RAD54L2: variants seen among roughly 807,000 people sequenced by gnomAD.
RAD54L2 encodes RAD54 like 2, also known as helicase ARIP4.
In RAD54L2, 27 loss-of-function variants were observed where a neutral mutation model predicts 138.4. The observed-to-expected ratio is 0.20, with a 90% confidence interval of 0.14 to 0.27. The LOEUF is 0.27. Ranked by LOEUF, RAD54L2 falls within the 10% of genes least tolerant of loss-of-function variation. RAD54L2 has a pLI of 1.00. For synonymous variants in RAD54L2, 644 were observed against 723.2 expected, an observed-to-expected ratio of 0.89 and a Z score of 1.76; for missense variants, 1,396 against 1,890.2, an observed-to-expected ratio of 0.74 and a Z score of 4.85.
At chr3:51,606,971 C>T (rs1700196567) in intron 3 of RAD54L2, among the ~76,000 whole-genome samples, 1 of 150,858 alleles carries the variant, frequency 6.6e-6, no homozygotes, top group South Asian at 2.1e-4. Flanking sequence ...CATGAGCCAC[C>T]GTGCCTGGCC....
At chr3:51,607,694 G>GC (rs1305143917) in intron 3 of RAD54L2, among the ~76,000 whole-genome samples, 255 of 151,196 alleles carry the variant, frequency 1.7e-3, no homozygotes, top group African/African-American at 5.5e-3. Context: ...GGGCAGAGGG[G>GC]CCCCCCACCT....
rs551631853 is a variant in RAD54L2 at position 51,588,066 on chromosome 3, G to A, written c.-54-2301G>A. On this transcript the variant is annotated intron_variant, in intron 2 of 22. Transcript: ENST00000684192. ...CCGGGCGTGGTGGCAGGCGCCTGTA[G>A]TCCCAGCTACTTGGGAGGCTGAGGC... Among the ~76,000 whole-genome samples the A allele has an allele frequency of 2.6e-5, 4 of 151,312 alleles. No individual in the cohort carries two copies. In the South Asian group the frequency reaches 8.4e-4, roughly 32 times the overall value.
chr3:51,616,245 A>C (rs957337427), intron 3 of RAD54L2, among the ~76,000 whole-genome samples: 1 of 152,160 alleles, frequency 6.6e-6, no homozygotes, highest in African/African-American at 2.4e-5. Context: ...CTGTATATTT[A>C]TACCCATTAA....
intron 15 of RAD54L2, among the ~76,000 whole-genome samples, chr3:51,642,577 G>A (rs766724992): frequency 6.6e-6 from 1 of 152,094 alleles, no homozygotes; most frequent in East Asian, 1.9e-4. Context: ...GGGCTGTCCT[G>A]TATATTATAC....
At chr3:51,648,360 TG>T (rs1365297134) in intron 19 of RAD54L2, among the ~76,000 whole-genome samples, 2 of 152,218 alleles carry the variant, frequency 1.3e-5, no homozygotes, top group African/African-American at 4.8e-5. Context: ...ATTCCACCTC[TG>T]GGGGCAGGGC....
chr3:51,627,511 C>A (rs781383504), intron 3 of RAD54L2, 42 bp from the exon 4 acceptor site: 1 of 1,531,550 alleles, frequency 6.5e-7, no homozygotes, highest in Non-Finnish European at 8.8e-7. Context: ...ACTCATTCCC[C>A]CTCACCCCTA....
rs796674944 is a variant in RAD54L2 at position 51,620,085 on chromosome 3, C to CT, written c.140-7459dup. 1.3e-3 allele frequency among the ~76,000 whole-genome samples: 202 copies of CT among 149,848 alleles called. 1 individual carries two copies. Among genetic ancestry groups the CT allele is most frequent in the African/African-American group, 4.2e-3 (172 of 40,714 alleles). On this transcript the variant is annotated intron_variant, in intron 3 of 22. Transcript: ENST00000684192. ...GGAGAAATATGGTGAGACTTTGAGT[C>CT]TTTTTTTTTCATTTTTTTGTTTTAA...
Position 51,656,134 on chromosome 3 carries a change from G to A in RAD54L2, c.3190G>A (p.Ala1064Thr). The change falls in exon 20 of 23, where the codon GCA becomes ACA. Residue 1064 changes from alanine (A) to threonine (T), a missense_variant. Coordinates refer to ENST00000684192, the MANE Select transcript of RAD54L2 (RefSeq NM_015106.4). ...CTTTCCCATCAACTACTTGCAGCGTGCAGGAGTCCTTGTGCAGAAGGTGGT... is the reference window on the plus strand; with the variant it reads ...CTTTCCCATCAACTACTTGCAGCGTACAGGAGTCCTTGTGCAGAAGGTGGT... ...MNFPINYLQR[A>T]GVLVQKVVTT... 1.9e-6 allele frequency: 3 copies of A among 1,613,560 alleles called. No individual in the cohort carries two copies. The highest frequency in any genetic ancestry group is 2.5e-6 in the Non-Finnish European group (3 of 1,179,518).
chr3:51,625,293 C>T (rs1327700495), intron 3 of RAD54L2, among the ~76,000 whole-genome samples: 1 of 152,020 alleles, frequency 6.6e-6, no homozygotes, highest in African/African-American at 2.4e-5. Context: ...TGGCACGTGC[C>T]TGTAATCCCA....
intron 3 of RAD54L2, among the ~76,000 whole-genome samples, chr3:51,594,095 G>T: frequency 8.1e-6 from 1 of 123,192 alleles, no homozygotes; most frequent in Non-Finnish European, 1.7e-5. Context: ...TTTTGAGATG[G>T]AGTCTTGCTC....
intron 3 of RAD54L2, among the ~76,000 whole-genome samples, chr3:51,591,241 G>A (rs1699832891): frequency 6.6e-6 from 1 of 152,124 alleles, no homozygotes; most frequent in Admixed American, 6.6e-5. Context: ...CTAATGTTAG[G>A]TTATTTGGCC....
chr3:51,624,237 T>G (rs1388272873), intron 3 of RAD54L2, among the ~76,000 whole-genome samples: 1 of 149,142 alleles, frequency 6.7e-6, no homozygotes, highest in Non-Finnish European at 1.5e-5. Flanking sequence ...GTGTGGTTTT[T>G]TTTTTTTTTT....
rs1700552289 is a variant in RAD54L2 at position 51,620,708 on chromosome 3, T to C, written c.140-6845T>C. On this transcript the variant is annotated intron_variant, in intron 3 of 22. Transcript: ENST00000684192. ...GTGTTCTTTGGTGTTTATATAACTC[T>C]TGTGGTTACTGCTCACAGCTGGCTC... Among the ~76,000 whole-genome samples the C allele has an allele frequency of 2.0e-5, 3 of 152,210 alleles. 1 individual carries two copies. In the South Asian group the frequency reaches 6.2e-4, roughly 32 times the overall value.
intron 2 of RAD54L2, among the ~76,000 whole-genome samples, chr3:51,544,660 A>G (rs926818472): frequency 4.0e-5 from 6 of 151,650 alleles, no homozygotes; most frequent in Non-Finnish European, 7.4e-5. Context: ...CTGGAGTGCA[A>G]TGGCACGATC....
At chr3:51,623,036 G>C (rs1700599734) in intron 3 of RAD54L2, among the ~76,000 whole-genome samples, 1 of 152,192 alleles carries the variant, frequency 6.6e-6, no homozygotes, top group Admixed American at 6.5e-5. Context: ...TTCCCCATGT[G>C]GTCTATTCCA....
At chr3:51,548,453 G>A (rs1023536318) in intron 2 of RAD54L2, among the ~76,000 whole-genome samples, 18 of 152,166 alleles carry the variant, frequency 1.2e-4, no homozygotes, top group Non-Finnish European at 2.1e-4. Flanking sequence ...CTCCCAAAGT[G>A]CTGGGATTAC....
intron 2 of RAD54L2, among the ~76,000 whole-genome samples, chr3:51,542,684 C>T (rs985155397): frequency 2.0e-5 from 3 of 152,104 alleles, no homozygotes; most frequent in Non-Finnish European, 2.9e-5. Context: ...AGGATGGTCT[C>T]GATCTACTGA....
chr3:51,568,915 A>G (rs577579468), intron 2 of RAD54L2, among the ~76,000 whole-genome samples: 2 of 152,294 alleles, frequency 1.3e-5, no homozygotes, highest in African/African-American at 4.8e-5. Context: ...AGAGGATATG[A>G]TTAAGTATGG....
intron 19 of RAD54L2, among the ~76,000 whole-genome samples, chr3:51,650,043 C>CATGCCCCAGT (rs1701388840): frequency 1.3e-5 from 2 of 152,072 alleles, no homozygotes; most frequent in Admixed American, 6.6e-5. Flanking sequence ...GGAGACCCAT[C>CATGCCCCAGT]TCACGTGCAG....
Sources: allele counts gnomAD v4.1 joint callset (sites outside exome capture counted in the v4.1 genomes callset), GRCh38; gene constraint gnomAD v4.1.1; transcripts MANE v1.5; gene names NCBI Gene and HGNC (gene_info 2026-07-23, HGNC 2026-07-21).